Variants in CEP104 observed in about 807,000 individuals in gnomAD.
CEP104 encodes centrosomal protein 104, also known as centrosomal protein of 104 kDa.
Under a neutral mutation model 113.3 loss-of-function variants are expected in CEP104, and 84 were observed. The observed-to-expected ratio is 0.74, with a 90% CI of 0.62 to 0.89. The LOEUF (loss-of-function observed/expected upper bound fraction) is 0.89. Among genes scored for constraint, CEP104 ranks in the 40% least tolerant of loss-of-function variants. The pLI is 0.00. For synonymous variants in CEP104, 378 were observed against 421.7 expected (o/e 0.90, Z 1.27); for missense variants, 1,053 against 1,156.6 (o/e 0.91, Z 1.30).
At chr1:3,818,186 C>A (rs1324692860) in intron 20 of CEP104, among the ~76,000 whole-genome samples, 2 of 152,234 alleles carry the variant, frequency 1.3e-5, no homozygotes, top group Non-Finnish European at 2.9e-5. Flanking sequence ...TTCCCCAGCG[C>A]CTGGTTTGCC....
rs147446755 is a variant in CEP104 at position 3,829,118 on chromosome 1, C to T, written c.2151+148G>A. The T allele has an allele frequency of 5.2e-4, 283 of 547,896 alleles. 1 individual carries two copies. Among genetic ancestry groups the T allele is most frequent in the African/African-American group, 5.1e-3 (259 of 50,326 alleles). 33.9% of individuals were successfully genotyped at this position (547,896 alleles called of 1,614,324 possible). ...CTCTCCATGGAGGGCTTCTGTCATC[C>T]ACCCCAAAACTAACCTAAAAAACCA... On this transcript the variant is annotated intron_variant, in intron 15 of 21. Transcript: ENST00000378230.
Position 3,836,480 on chromosome 1 carries a change from T to TTG in CEP104, c.1317+14_1317+15insCA. 10 of 1,473,248 alleles carry TTG rather than the reference T, an allele frequency of 6.8e-6. No individual in the cohort carries two copies. The highest frequency in any genetic ancestry group is 8.9e-6 in the Non-Finnish European group (10 of 1,119,254). 91.3% of individuals were successfully genotyped at this position (1,473,248 alleles called of 1,614,324 possible). ...CCTCTGCCACCCCGTTTTTTTTTTT[T>TTG]TTTTTTTTTTTTACCAAGGTTTCTC... On this transcript the variant is annotated intron_variant, in intron 10 of 21. Coordinates refer to ENST00000378230, the MANE Select transcript of CEP104 (RefSeq NM_014704.4).
At chr1:3,846,600 G>A (rs12060299) in intron 4 of CEP104, among the ~76,000 whole-genome samples, 1,777 of 152,276 alleles carry the variant, frequency 0.012, 37 homozygotes, top group African/African-American at 0.041. Context: ...CAAGACAACA[G>A]CCAGGTCATT....
At chr1:3,832,331 G>A (rs960584349) in intron 12 of CEP104, among the ~76,000 whole-genome samples, 1 of 152,032 alleles carries the variant, frequency 6.6e-6, no homozygotes, top group African/African-American at 2.4e-5. Context: ...GGAGTGTAGT[G>A]TAGGTCGTAA....
intron 4 of CEP104, among the ~76,000 whole-genome samples, chr1:3,845,976 G>A (rs1644498445): frequency 6.6e-6 from 1 of 151,826 alleles, no homozygotes; most frequent in Non-Finnish European, 1.5e-5. Flanking sequence ...CTACTCAGGA[G>A]GCTGAGGCAG....
chr1:3,843,687 AT>A (rs567785194), intron 6 of CEP104, among the ~76,000 whole-genome samples: 129 of 145,664 alleles, frequency 8.9e-4, no homozygotes, highest in African/African-American at 1.9e-3. Flanking sequence ...CCCCATACCC[AT>A]TTTTTTTTTT....
intron 20 of CEP104, among the ~76,000 whole-genome samples, chr1:3,820,433 C>T (rs775909870): frequency 2.6e-5 from 4 of 152,284 alleles, no homozygotes; most frequent in African/African-American, 9.6e-5. Context: ...AGAAAAGGGG[C>T]AGGATGCCCT....
intron 20 of CEP104, among the ~76,000 whole-genome samples, chr1:3,817,418 C>A (rs1240729339): frequency 2.6e-5 from 4 of 152,304 alleles, no homozygotes; most frequent in Non-Finnish European, 5.9e-5. Flanking sequence ...CTCCACCAGA[C>A]ACAGCCCTGC....
chr1:3,830,186 C>T (rs1433671058), intron 13 of CEP104, among the ~76,000 whole-genome samples, 189 bp from the exon 14 acceptor site: 2 of 152,110 alleles, frequency 1.3e-5, no homozygotes, highest in Non-Finnish European at 2.9e-5. Context: ...ATACTTTCAT[C>T]ACGCTTGTTT....
rs1229071724 is a variant in CEP104, at chr1:3,814,145, T to C, written c.*1257A>G. ...ACCTTTCTAACTATCCTTTTTGAAG[T>C]CTGCCCATGCAACATCAGCGAGGCA... On this transcript the variant is annotated 3_prime_UTR_variant, in exon 22 of 22. Coordinates refer to ENST00000378230, the MANE Select transcript of CEP104 (RefSeq NM_014704.4). 1.5e-4 allele frequency: 23 copies of C among 152,224 alleles called. No homozygotes were observed. Among genetic ancestry groups the C allele is most frequent in the Admixed American group, 1.5e-3 (23 of 15,288 alleles). 9.4% of individuals were successfully genotyped at this position (152,224 alleles called of 1,614,324 possible).
chr1:3,843,799 T>C (rs1332198510), intron 6 of CEP104, among the ~76,000 whole-genome samples: 4 of 151,924 alleles, frequency 2.6e-5, no homozygotes, highest in Non-Finnish European at 4.4e-5. Context: ...TCTTGCTCTA[T>C]CGCCCAGGTT....
At chr1:3,830,055 CT>C in intron 13 of CEP104, 58 bp from the exon 14 acceptor site, 1 of 1,286,610 alleles carries the variant, frequency 7.8e-7, no homozygotes, top group Non-Finnish European at 1.1e-6. Context: ...TTTCTTCCAG[CT>C]TACAAAAAAG....
In CEP104 at chr1:3,839,008, C is replaced by T. The variant is rs748492849; in HGVS notation, c.847G>A (p.Val283Met). Residue 283 changes from valine to methionine, a missense_variant, in exon 8 of 22, where the codon GTG becomes ATG. Physicochemically the swap from Val to Met is conservative, Grantham distance 21. Coordinates refer to ENST00000378230, the MANE Select transcript of CEP104 (RefSeq NM_014704.4). ...CTGTGCAGCTCCAGCTGCTCGTACA[C>T]CTCGGCACGATACTGCTCCATCTGC... The part of the protein sequence containing the change: ...KQQMEQYRAE[V>M]YEQLELHSLL... 6 of 1,614,190 alleles carry T rather than the reference C, an allele frequency of 3.7e-6. No individual in the cohort carries two copies. Among genetic ancestry groups the T allele is most frequent in the Admixed American group, 1.7e-5 (1 of 60,018 alleles).
intron 21 of CEP104, chr1:3,816,046 C>T (rs987816195): frequency 1.3e-5 from 6 of 473,342 alleles, no homozygotes; most frequent in African/African-American, 2.0e-5. Flanking sequence ...CCTAGGCCAC[C>T]CGTGGAGCCT....
At chr1:3,826,888 C>G (rs1450305808) in intron 15 of CEP104, 144 bp from the exon 16 acceptor site, 1 of 842,166 alleles carries the variant, frequency 1.2e-6, no homozygotes, top group Non-Finnish European at 1.9e-6. Context: ...GGCTCATGCC[C>G]GTAATCCCAG....
At chr1:3,816,104 G>A (rs1643875968) in intron 21 of CEP104, 176 bp downstream of exon 21, 3 of 563,270 alleles carry the variant, frequency 5.3e-6, no homozygotes, top group Non-Finnish European at 9.2e-6. Context: ...TTGGTCACAC[G>A]ATTCTGATTA....
intron 18 of CEP104, among the ~76,000 whole-genome samples, chr1:3,824,740 C>T (rs1256338832): frequency 6.6e-6 from 1 of 152,152 alleles, no homozygotes; most frequent in Non-Finnish European, 1.5e-5. Flanking sequence ...CTCATCTTCA[C>T]CAGGGACAGG....
chr1:3,821,207 A>C (rs1643966390), intron 20 of CEP104, among the ~76,000 whole-genome samples: 1 of 152,228 alleles, frequency 6.6e-6, no homozygotes. Flanking sequence ...GAGCTCTCTG[A>C]GGCTGCGTGG....
chr1:3,837,545 T>C (rs1228090354), intron 8 of CEP104, 26 bp from the exon 9 acceptor site: 2 of 1,586,300 alleles, frequency 1.3e-6, no homozygotes, highest in East Asian at 2.2e-5. Context: ...GAACATTTAA[T>C]TTCAAATGCC....
Sources: gnomAD v4.1 joint callset for allele counts (sites outside exome capture counted in the v4.1 genomes callset) on GRCh38, gnomAD v4.1.1 for gene constraint, MANE v1.5 for transcripts, NCBI Gene and HGNC (gene_info 2026-07-23, HGNC 2026-07-21) for gene names.